Variants in CUEDC1 observed in about 807,000 individuals in gnomAD.
CUEDC1 encodes CUE domain-containing protein 1.
CUEDC1 carries 30 observed loss-of-function variants against 43.7 expected under a neutral mutation model. The ratio of observed to expected loss-of-function variants is 0.69; its 90% confidence interval spans 0.51 to 0.93. CUEDC1 has a LOEUF of 0.93. Ranked by LOEUF, CUEDC1 falls within the 40% of genes least tolerant of loss-of-function variation. The pLI, the probability that CUEDC1 is intolerant of heterozygous loss-of-function variation, is 0.00. For synonymous variants in CUEDC1, 223 were observed against 223.6 expected (o/e 1.00, Z 0.02); for missense variants, 486 against 549.0 (o/e 0.89, Z 1.15).
Position 57,861,803 on chromosome 17 carries a change from AC to A in CUEDC1, c.*1485del, listed in dbSNP as rs142325588. 0.094 allele frequency: 12,280 copies of A among 130,412 alleles called. 928 individuals carry two copies. The highest frequency in any genetic ancestry group is 0.22 in the African/African-American group (7,811 of 36,000). The allele number at this position is 130,412 out of a possible 1,614,324, so 8.1% of individuals were successfully genotyped here. On this transcript the variant is annotated 3_prime_UTR_variant, in exon 11 of 11. Transcript: ENST00000577830. Reference sequence around the variant, plus strand: ...TGGGGTACCGAGGCACTCCTCGGAGACCCCCCCCCCTCCCTCCAGGGCCCCA... The same window carrying A: ...TGGGGTACCGAGGCACTCCTCGGAGACCCCCCCCCTCCCTCCAGGGCCCCA...
chr17:57,916,863 A>G (rs6503837), intron 1 of CUEDC1, among the ~76,000 whole-genome samples: 80,279 of 152,040 alleles, frequency 0.53, 22,700 homozygotes, highest in African/African-American at 0.7. Flanking sequence ...TGTCTGTTTT[A>G]TTTCATTATT....
At chr17:57,895,188 G>A (rs917208968) in intron 1 of CUEDC1, among the ~76,000 whole-genome samples, 3 of 152,160 alleles carry the variant, frequency 2.0e-5, no homozygotes, top group African/African-American at 7.2e-5. Context: ...GAAAAATGAG[G>A]CGTAGAAGGG....
At chr17:57,937,052 C>T (rs1352939062) in intron 1 of CUEDC1, among the ~76,000 whole-genome samples, 2 of 151,968 alleles carry the variant, frequency 1.3e-5, no homozygotes, top group Non-Finnish European at 2.9e-5. Context: ...ATCTTTTGAC[C>T]TCGTGATCTG....
chr17:57,945,502 A>G (rs755236010), intron 1 of CUEDC1, among the ~76,000 whole-genome samples: 4 of 152,364 alleles, frequency 2.6e-5, no homozygotes, highest in African/African-American at 2.4e-5. Context: ...AGGTTTTCCC[A>G]TATTTCCAGA....
chr17:57,886,113 C>G (rs1277474980), intron 1 of CUEDC1, among the ~76,000 whole-genome samples: 1 of 152,166 alleles, frequency 6.6e-6, no homozygotes, highest in Non-Finnish European at 1.5e-5. Context: ...AGGTGCCATC[C>G]TAAGTGCTCT....
chr17:57,913,117 G>A (rs1340637432), intron 1 of CUEDC1, among the ~76,000 whole-genome samples: 1 of 152,026 alleles, frequency 6.6e-6, no homozygotes, highest in Non-Finnish European at 1.5e-5. Flanking sequence ...CCTGAGGTCA[G>A]GGGTTCAAGA....
intron 4 of CUEDC1, among the ~76,000 whole-genome samples, chr17:57,873,309 C>T (rs2074062388): frequency 6.6e-6 from 1 of 152,142 alleles, no homozygotes; most frequent in Admixed American, 6.5e-5. Flanking sequence ...GGCCCTCCAC[C>T]ATTGGCCACC....
Position 57,900,220 on chromosome 17 carries a change from A to T in CUEDC1, c.-315-14341T>A, listed in dbSNP as rs370796237. 3.8e-3 allele frequency among the ~76,000 whole-genome samples: 580 copies of T among 152,302 alleles called. 3 individuals carry two copies. Among genetic ancestry groups the T allele is most frequent in the African/African-American group, 0.012 (502 of 41,558 alleles). Reference sequence around the variant, plus strand: ...CTTCCTTTCGCCTCCCGAGGGCCTCAATCTCTACTTCTAGAAAATGGAGAG... The same window carrying T: ...CTTCCTTTCGCCTCCCGAGGGCCTCTATCTCTACTTCTAGAAAATGGAGAG... On this transcript the variant is annotated intron_variant, in intron 1 of 10. Coordinates refer to ENST00000577830, the MANE Select transcript of CUEDC1 (RefSeq NM_001271875.2).
chr17:57,924,396 G>A (rs1434930749), intron 1 of CUEDC1, among the ~76,000 whole-genome samples: 7 of 151,860 alleles, frequency 4.6e-5, no homozygotes, highest in African/African-American at 1.2e-4. Context: ...GAGCCACCGC[G>A]CCGGGCCTCT....
chr17:57,916,274 C>T (rs1598007545), intron 1 of CUEDC1, among the ~76,000 whole-genome samples: 1 of 152,262 alleles, frequency 6.6e-6, no homozygotes, highest in Admixed American at 6.5e-5. Context: ...TCCCGATGGC[C>T]TTGTGATGCC....
At chr17:57,952,952 G>T (rs987507189) in intron 1 of CUEDC1, among the ~76,000 whole-genome samples, 3 of 152,028 alleles carry the variant, frequency 2.0e-5, no homozygotes, top group African/African-American at 7.2e-5. Flanking sequence ...GAAAGGAAAG[G>T]CAGGCCAGGC....
chr17:57,867,281 T>A, intron 9 of CUEDC1, 76 bp downstream of exon 9: 1 of 1,408,190 alleles, frequency 7.1e-7, no homozygotes. Flanking sequence ...GGTGCTCCCA[T>A]GAAACACCCA....
intron 1 of CUEDC1, among the ~76,000 whole-genome samples, chr17:57,921,141 G>C (rs190198147): frequency 1.2e-3 from 181 of 152,346 alleles, no homozygotes; most frequent in Non-Finnish European, 2.2e-3. Context: ...AACAAAAGGA[G>C]TGCTGTGCTT....
intron 1 of CUEDC1, among the ~76,000 whole-genome samples, chr17:57,941,374 T>A (rs1022827267): frequency 6.6e-6 from 1 of 152,192 alleles, no homozygotes; most frequent in Non-Finnish European, 1.5e-5. Flanking sequence ...AGATAAAAGT[T>A]AGGTAGACAG....
intron 1 of CUEDC1, among the ~76,000 whole-genome samples, chr17:57,924,175 AGCTCACT>A (rs2074723763): frequency 6.6e-6 from 1 of 151,764 alleles, no homozygotes; most frequent in Admixed American, 6.6e-5. Flanking sequence ...GCACGATCTC[AGCTCACT>A]GCAACCTCCG....
chr17:57,940,567 A>G (rs887760056), intron 1 of CUEDC1, among the ~76,000 whole-genome samples: 1 of 152,214 alleles, frequency 6.6e-6, no homozygotes, highest in Admixed American at 6.5e-5. Flanking sequence ...AAGACTTTCC[A>G]CGAGCAAAAA....
intron 1 of CUEDC1, among the ~76,000 whole-genome samples, chr17:57,944,571 A>G (rs2074945057): frequency 6.6e-6 from 1 of 152,234 alleles, no homozygotes; most frequent in African/African-American, 2.4e-5. Flanking sequence ...TACCAGCTCT[A>G]TTTAACATAT....
chr17:57,900,657 A>G (rs974670901), intron 1 of CUEDC1, among the ~76,000 whole-genome samples: 1 of 152,206 alleles, frequency 6.6e-6, no homozygotes, highest in East Asian at 1.9e-4. Flanking sequence ...TCACCATTTT[A>G]TAGATAGATA....
At chr17:57,923,715 C>A (rs12949044) in intron 1 of CUEDC1, among the ~76,000 whole-genome samples, 68,803 of 152,040 alleles carry the variant, frequency 0.45, 16,797 homozygotes, top group African/African-American at 0.62. Context: ...GCTGGTGGGG[C>A]GCTGGGTGGC....
Sources: allele counts gnomAD v4.1 joint callset (sites outside exome capture counted in the v4.1 genomes callset), GRCh38; gene constraint gnomAD v4.1.1; transcripts MANE v1.5; gene names NCBI Gene and HGNC (gene_info 2026-07-23, HGNC 2026-07-21).